Variants in LINGO3 observed in about 807,000 individuals in gnomAD.
The protein encoded by LINGO3 is leucine rich repeat and Ig domain containing 3, also known as leucine-rich repeat and immunoglobulin-like domain-containing nogo receptor-interacting protein 3.
For synonymous variants in LINGO3, 427 were observed against 444.2 expected (o/e 0.96, Z 0.49); for missense variants, 750 against 867.7 (o/e 0.86, Z 1.70).
exon 1 of LINGO3, chr19:2,289,895 A>C: frequency 3.2e-6 from 3 of 947,916 alleles, no homozygotes; most frequent in Non-Finnish European, 4.6e-6. Flanking sequence ...CTGCCTGGGG[A>C]GCGCCGTGCA....
chr19:2,290,888 G>C lies in LINGO3; in HGVS notation c.889C>G (p.Arg297Gly). The stretch of plus-strand genomic sequence containing the variant: ...AGGGCCCCGGCCAGGTGCAGCTCGC[G>C]CAGGCGGACCAGGTCCCGGAACGAC... Residue 297 changes from arginine to glycine, a missense_variant, in exon 1 of 1, where the codon CGC becomes GGC. By Grantham distance (125) the Arg-to-Gly change is moderately radical (BLOSUM62 -2). Transcript: ENST00000585527. The surrounding 1 kb of genome is among the most constrained non-coding windows in gnomAD (Gnocchi z 6.0). The C allele has an allele frequency of 6.2e-7, 1 of 1,611,174 alleles. No homozygotes were observed. The highest frequency in any genetic ancestry group is 8.5e-7 in the Non-Finnish European group (1 of 1,179,128).
At chr19:2,291,676 T>C (rs2025524965) in exon 1 of LINGO3, 1 of 1,350,162 alleles carries the variant, frequency 7.4e-7, no homozygotes, top group East Asian at 3.3e-5. Context: ...CGCGCGGGTC[T>C]GCACGGTGCA....
downstream of LINGO3, among the ~76,000 whole-genome samples, chr19:2,288,688 A>C (rs2025487707): frequency 6.6e-6 from 1 of 152,150 alleles, no homozygotes; most frequent in Non-Finnish European, 1.5e-5. The surrounding 1 kb of genome is among the most constrained non-coding windows in gnomAD (Gnocchi z 6.5). Flanking sequence ...GACGGAGGAC[A>C]GGGCGTGTGG....
chr19:2,294,464 G>T (rs72987426), upstream of LINGO3, among the ~76,000 whole-genome samples: 1 of 152,066 alleles, frequency 6.6e-6, no homozygotes, highest in Admixed American at 6.6e-5. The surrounding 1 kb of genome is among the most constrained non-coding windows in gnomAD (Gnocchi z 4.3). Context: ...TTGTGGCGCC[G>T]TGTTCTGGCA....
the LINGO3 span, among the ~76,000 whole-genome samples, chr19:2,300,489 C>T: frequency 3.9e-5 from 6 of 151,978 alleles, no homozygotes; most frequent in African/African-American, 9.7e-5. Context: ...CATTACCTCC[C>T]ATCCTCCCAG....
chr19:2,291,518 C>G (rs776775013), exon 1 of LINGO3: 2 of 1,609,464 alleles, frequency 1.2e-6, no homozygotes, highest in South Asian at 1.1e-5. Context: ...ATGGCGTTCT[C>G]GCTCAGGTCC....
At chr19:2,300,023 CTTTT>C in the LINGO3 span, among the ~76,000 whole-genome samples, 5 of 95,886 alleles carry the variant, frequency 5.2e-5, no homozygotes, top group Admixed American at 1.5e-4. Context: ...TGCCTGGCCT[CTTTT>C]TTTTTTTTTT....
Position 2,290,387 on chromosome 19 carries a change from T to TC in LINGO3, c.1389dup (p.Thr464AspfsTer197). On this transcript the variant is annotated frameshift_variant, in exon 1 of 1. Transcript: ENST00000585527. LOFTEE classifies it low-confidence loss of function (END_TRUNC). This position sits in a 1 kb window ranked among gnomAD's most constrained non-coding sequence, Gnocchi z 6.0. ...GGCCGCGCGTCCTGGATCTCCAGCG[T>TC]CCCCCCGGGGAGCACGCGCGCCCGG... The TC allele has an allele frequency of 4.8e-6, 7 of 1,471,754 alleles. No homozygotes were observed. The highest frequency in any genetic ancestry group is 1.3e-5 in the South Asian group (1 of 76,012). 91.2% of individuals were successfully genotyped at this position (1,471,754 alleles called of 1,614,324 possible).
rs757727385 is a variant in LINGO3 at position 2,291,254 on chromosome 19, C to T, written c.523G>A (p.Ala175Thr). 2.5e-6 allele frequency: 4 copies of T among 1,612,120 alleles called. No homozygotes were observed. In the South Asian group the frequency reaches 3.3e-5, roughly 13 times the overall value. Residue 175 changes from alanine (A) to threonine (T), a missense_variant, in exon 1 of 1, where the codon GCC becomes ACC. Ala to Thr is a moderately conservative substitution (Grantham distance 58, BLOSUM62 0). Coordinates refer to ENST00000585527, the Ensembl canonical transcript of LINGO3. The stretch of plus-strand genomic sequence containing the variant: ...CGCTCCAGGGTCAGCTCCTCCAGGG[C>T]CAGCAGCCCCGCGAAGGCGCGGCGC...
At position 2,290,301 on chromosome 19, in the gene LINGO3, G is replaced by A; in HGVS notation, c.1476C>T (p.Phe492=). 1 of 1,576,478 alleles carries A rather than the reference G, an allele frequency of 6.3e-7. No individual in the cohort carries two copies. Among genetic ancestry groups the A allele is most frequent in the East Asian group, 2.3e-5 (1 of 43,342 alleles). ...GCTCGGGGCGCACGGTCAGCGTGGC[G>A]AAGTAGGTGTCGTTGCCGCCCGCGT... The change falls in exon 1 of 1, where the codon TTC becomes TTT. Residue 492 remains phenylalanine (F), a synonymous_variant. Transcript: ENST00000585527. The surrounding 1 kb of genome is among the most constrained non-coding windows in gnomAD (Gnocchi z 6.0).
chr19:2,301,041 C>T, the LINGO3 span, among the ~76,000 whole-genome samples: 1 of 151,984 alleles, frequency 6.6e-6, no homozygotes, highest in African/African-American at 2.4e-5. Flanking sequence ...CTGGTTCAGA[C>T]CCTCTGGGTT....
chr19:2,299,102 A>G, the LINGO3 span, among the ~76,000 whole-genome samples: 4 of 152,136 alleles, frequency 2.6e-5, no homozygotes, highest in African/African-American at 9.7e-5. Flanking sequence ...TACTCCTGGG[A>G]TGAGAGGACA....
At chr19:2,300,053 C>T in the LINGO3 span, among the ~76,000 whole-genome samples, 3 of 103,946 alleles carry the variant, frequency 2.9e-5, no homozygotes, top group Admixed American at 1.3e-4. Context: ...TTTATTGAGT[C>T]GGAGTCTCAC....
Position 2,291,461 on chromosome 19 carries a change from C to CGCGCAGGCGCGGCAGGTTG in LINGO3, c.297_315dup (p.Val106GlnfsTer131), listed in dbSNP as rs775141893. 1 of 1,612,986 alleles carries CGCGCAGGCGCGGCAGGTTG rather than the reference C, an allele frequency of 6.2e-7. No individual in the cohort carries two copies. Among genetic ancestry groups the CGCGCAGGCGCGGCAGGTTG allele is most frequent in the African/African-American group, 1.3e-5 (1 of 75,036 alleles). ...AGCTGGTTGCCACGGAGACGCAGGA[C>CGCGCAGGCGCGGCAGGTTG]GCGCAGGCGCGGCAGGTTGGCGAAG... is the stretch of plus-strand genomic sequence containing the variant. On this transcript the variant is annotated frameshift_variant, in exon 1 of 1. Coordinates refer to ENST00000585527, the Ensembl canonical transcript of LINGO3. LOFTEE classifies it low-confidence loss of function (END_TRUNC).
chr19:2,293,363 C>CGTGTGATCTCA (rs2025544495), upstream of LINGO3, among the ~76,000 whole-genome samples: 1 of 133,042 alleles, frequency 7.5e-6, no homozygotes, highest in African/African-American at 2.8e-5. Context: ...CGCGCCTGGC[C>CGTGTGATCTCA]TTTTTTTTTT....
At chr19:2,291,621 G>A in exon 1 of LINGO3, 1 of 1,475,110 alleles carries the variant, frequency 6.8e-7, no homozygotes, top group South Asian at 1.3e-5. Flanking sequence ...TCTCGGCCGG[G>A]ATGCCGTCGG....
At chr19:2,292,024 C>A in exon 1 of LINGO3, 1 of 492,018 alleles carries the variant, frequency 2.0e-6, no homozygotes, top group Non-Finnish European at 3.9e-6. Flanking sequence ...CCCATCTCTA[C>A]AAAAAAATAA....
downstream of LINGO3, among the ~76,000 whole-genome samples, chr19:2,287,502 C>T (rs186965251): frequency 2.6e-5 from 4 of 152,324 alleles, no homozygotes; most frequent in Admixed American, 2.6e-4. The surrounding 1 kb of genome is among the most constrained non-coding windows in gnomAD (Gnocchi z 4.5). Flanking sequence ...TCATGTCGAG[C>T]CCCCTGGGCC....
the LINGO3 span, among the ~76,000 whole-genome samples, chr19:2,302,830 G>A: frequency 2.6e-5 from 4 of 152,196 alleles, no homozygotes; most frequent in Admixed American, 6.5e-5. Context: ...CGGGAGTGGG[G>A]GTCTGTCCTG....
Sources: allele counts gnomAD v4.1 joint callset (sites outside exome capture counted in the v4.1 genomes callset), GRCh38; gene constraint gnomAD v4.1.1; non-coding constraint Gnocchi (gnomAD v3.1); transcripts MANE v1.5; gene names NCBI Gene and HGNC (gene_info 2026-07-23, HGNC 2026-07-21).